CRAMP1: variants seen among roughly 807,000 people sequenced by gnomAD.
CRAMP1 encodes the protein cramped chromatin regulator 1.
CRAMP1 carries 50 observed loss-of-function variants against 115.4 expected under a neutral mutation model. The observed-to-expected ratio is 0.43, with a 90% CI of 0.35 to 0.55. The LOEUF (loss-of-function observed/expected upper bound fraction) is 0.55, where lower values mean the gene tolerates loss of function less well. CRAMP1 is among the 20% of genes least tolerant of loss of function. CRAMP1 has a pLI of 0.01. For synonymous variants in CRAMP1, 866 were observed against 745.4 expected, an observed-to-expected ratio of 1.16 and a Z score of -2.64; for missense variants, 1,679 against 1,721.7, an observed-to-expected ratio of 0.98 and a Z score of 0.44.
intron 6 of CRAMP1, among the ~76,000 whole-genome samples, chr16:1,643,646 G>A (rs115751410): frequency 1.2e-4 from 18 of 152,156 alleles, no homozygotes; most frequent in African/African-American, 3.1e-4. Context: ...GTGTGCTAGC[G>A]CCCCTCCAGC....
At position 1,671,171 on chromosome 16, in the gene CRAMP1, G is replaced by A. The variant is rs1421577659; in HGVS notation, c.3645+362G>A. On this transcript the variant is annotated intron_variant, in intron 20 of 20. Transcript: ENST00000397412. This position sits in a 1 kb window ranked among gnomAD's most constrained non-coding sequence, Gnocchi z 5.0. ...GCTGAGGTGCGGGGAGTGTTGTGGAGGGAGGAGTAAGGGGTGGTGGCAGCA... is the reference window on the plus strand; with the variant it reads ...GCTGAGGTGCGGGGAGTGTTGTGGAAGGAGGAGTAAGGGGTGGTGGCAGCA... 1.3e-5 allele frequency among the ~76,000 whole-genome samples: 2 copies of A among 152,174 alleles called. No individual in the cohort carries two copies. The highest frequency in any genetic ancestry group is 4.8e-5 in the African/African-American group (2 of 41,426).
chr16:1,652,701 C>T (rs2036735163), intron 7 of CRAMP1, 120 bp downstream of exon 7: 5 of 888,134 alleles, frequency 5.6e-6, no homozygotes, highest in Admixed American at 2.2e-5. Flanking sequence ...CTGCTTAATC[C>T]CAGGGCTGCA....
intron 2 of CRAMP1, among the ~76,000 whole-genome samples, chr16:1,617,134 A>G (rs2036427308): frequency 6.6e-6 from 1 of 152,194 alleles, no homozygotes; most frequent in African/African-American, 2.4e-5. Context: ...ACAAGCAAAT[A>G]TATCTTTAAG....
intron 6 of CRAMP1, chr16:1,646,922 C>T: frequency 1.6e-6 from 1 of 635,830 alleles, no homozygotes; most frequent in Non-Finnish European, 2.9e-6. Context: ...CATTGAGTGG[C>T]CTTTGCATCC....
At position 1,670,130 on chromosome 16, in the gene CRAMP1, G is replaced by T. The variant is rs1156803051; in HGVS notation, c.3500-534G>T. On this transcript the variant is annotated intron_variant, in intron 19 of 20. Transcript: ENST00000397412. ...AAATTTTAAAACTAGCCAGGTGTGG[G>T]GGGTGCATGCCTGTAGTCCCAGCAA... 2.6e-5 allele frequency among the ~76,000 whole-genome samples: 4 copies of T among 151,796 alleles called. No homozygotes were observed. In the East Asian group the frequency reaches 7.7e-4, roughly 29 times the overall value.
At chr16:1,651,218 CAG>C (rs772963254) in intron 6 of CRAMP1, among the ~76,000 whole-genome samples, 11 of 143,414 alleles carry the variant, frequency 7.7e-5, no homozygotes, top group African/African-American at 2.1e-4. Context: ...AAGGTGGACT[CAG>C]AGGTCACAGA....
In CRAMP1 at chr16:1,652,542, C is replaced by T. The variant is rs1323932458; in HGVS notation, c.874C>T (p.Pro292Ser). Residue 292 changes from proline to serine, a missense_variant, in exon 7 of 21, where the codon CCC becomes TCC. Physicochemically the swap from Pro to Ser is moderately conservative, Grantham distance 74. Coordinates refer to ENST00000397412, the MANE Select transcript of CRAMP1 (RefSeq NM_020825.4). ...YKGRNLRIKA[P>S]MCRALKKLCD... is the part of the protein sequence containing the mutation. ...AGGGCGGAACCTGCGGATCAAAGCG[C>T]CCATGTGCCGGGCCCTGAAGAAGCT... is the stretch of plus-strand genomic sequence containing the variant. The T allele has an allele frequency of 6.4e-7, 1 of 1,552,968 alleles. No individual in the cohort carries two copies. The highest frequency in any genetic ancestry group is 2.0e-5 in the Admixed American group (1 of 51,212).
chr16:1,661,318 G>A (rs565326805), intron 11 of CRAMP1, among the ~76,000 whole-genome samples: 17 of 151,948 alleles, frequency 1.1e-4, no homozygotes, highest in African/African-American at 4.1e-4. Context: ...GGGGCCGGGT[G>A]AGAGGTCCTG....
At chr16:1,665,672 A>G (rs1478051697) in intron 14 of CRAMP1, 1 of 224,170 alleles carries the variant, frequency 4.5e-6, no homozygotes, top group East Asian at 1.1e-4. Flanking sequence ...TCTCTTGCCT[A>G]CTTGTCAATT....
At chr16:1,652,438 C>T (rs2036732303) in intron 6 of CRAMP1, 58 bp from the exon 7 acceptor site, 1 of 1,462,298 alleles carries the variant, frequency 6.8e-7, no homozygotes, top group Non-Finnish European at 9.3e-7. Context: ...GTGTGCTGGC[C>T]CTTCCGTCCT....
chr16:1,616,696 A>G (rs1201220218), intron 2 of CRAMP1, among the ~76,000 whole-genome samples: 1 of 152,264 alleles, frequency 6.6e-6, no homozygotes. Context: ...TTCTTGTCCC[A>G]TTGTGTGGCT....
chr16:1,641,872 G>A (rs943081092), intron 6 of CRAMP1, among the ~76,000 whole-genome samples: 11 of 150,012 alleles, frequency 7.3e-5, no homozygotes, highest in South Asian at 4.2e-4. Context: ...TCTCCACTCC[G>A]CAGCCTGGGG....
rs1005132053 is a variant in CRAMP1, at chr16:1,612,596, G to T, written c.-63G>T. Among the ~76,000 whole-genome samples, 1 of 151,880 alleles carries T rather than the reference G, an allele frequency of 6.6e-6. No homozygotes were observed. The highest frequency in any genetic ancestry group is 2.4e-5 in the African/African-American group (1 of 41,376). On this transcript the variant is annotated 5_prime_UTR_variant, in exon 1 of 21. Transcript: ENST00000397412. Reference sequence around the variant, plus strand: ...GGGCCGGGGCTGCCCGGCCCGGCTGGTTCTGCGGGCACCCGGGGAGGCCCC... The same window carrying T: ...GGGCCGGGGCTGCCCGGCCCGGCTGTTTCTGCGGGCACCCGGGGAGGCCCC...
chr16:1,639,157 C>T (rs1489613320), intron 5 of CRAMP1, among the ~76,000 whole-genome samples: 5 of 152,116 alleles, frequency 3.3e-5, no homozygotes. Context: ...TCCTTGTTGC[C>T]TGGTCCTTTT....
intron 2 of CRAMP1, among the ~76,000 whole-genome samples, chr16:1,618,443 G>C (rs1436420549): frequency 1.3e-5 from 2 of 152,182 alleles, no homozygotes; most frequent in African/African-American, 4.8e-5. Context: ...TACCTGTGGG[G>C]TGAGTAGAAG....
chr16:1,632,815 C>T (rs373030089), intron 4 of CRAMP1, among the ~76,000 whole-genome samples: 7 of 152,238 alleles, frequency 4.6e-5, no homozygotes, highest in African/African-American at 9.6e-5. Context: ...AGGTCTGCGT[C>T]GGCCCTCGTT....
At chr16:1,653,244 A>G (rs2036739778) in intron 8 of CRAMP1, 88 bp downstream of exon 8, 1 of 1,451,312 alleles carries the variant, frequency 6.9e-7, no homozygotes, top group East Asian at 2.5e-5. Flanking sequence ...AGGAACTTCC[A>G]GGAGAAGCAG....
At chr16:1,664,513 T>C (rs2036857586) in intron 13 of CRAMP1, among the ~76,000 whole-genome samples, 1 of 152,130 alleles carries the variant, frequency 6.6e-6, no homozygotes, top group Non-Finnish European at 1.5e-5. Flanking sequence ...GCACGGTGGC[T>C]CGCACCTGTA....
At chr16:1,637,931 GC>G in intron 5 of CRAMP1, 24 bp downstream of exon 5, 2 of 1,309,070 alleles carry the variant, frequency 1.5e-6, no homozygotes, top group South Asian at 1.5e-5. Flanking sequence ...CTGTGGGGTT[GC>G]CCACGGCTCC....
Sources: gnomAD v4.1 joint callset for allele counts (sites outside exome capture counted in the v4.1 genomes callset) on GRCh38, gnomAD v4.1.1 for gene constraint, Gnocchi (gnomAD v3.1) non-coding constraint, MANE v1.5 for transcripts, NCBI Gene and HGNC (gene_info 2026-07-23, HGNC 2026-07-21) for gene names.